WLS: variants seen among roughly 807,000 people sequenced by gnomAD.
WLS encodes the protein protein wntless homolog.
In WLS, 23 loss-of-function variants were observed where a neutral mutation model predicts 62.8. The ratio of observed to expected loss-of-function variants is 0.37; its 90% CI spans 0.26 to 0.52. WLS has a LOEUF of 0.52. Among genes scored for constraint, WLS ranks in the 20% least tolerant of loss-of-function variants. WLS has a pLI of 0.92. For missense variants in WLS, 615 were observed against 697.3 expected (o/e 0.88, Z 1.33); for synonymous variants, 246 against 244.1 (o/e 1.01, Z -0.07).
intron 11 of WLS, among the ~76,000 whole-genome samples, chr1:68,136,475 C>T (rs549672674): frequency 9.9e-5 from 15 of 152,222 alleles, no homozygotes; most frequent in Non-Finnish European, 1.5e-4. Flanking sequence ...AGAAAGGGTG[C>T]CAGGGCCAAA....
chr1:68,179,628 A>T (rs1446581100), intron 2 of WLS, among the ~76,000 whole-genome samples: 2 of 152,234 alleles, frequency 1.3e-5, no homozygotes, highest in Non-Finnish European at 2.9e-5. Context: ...GTGCTTTAGG[A>T]AAATCAAGGG....
At chr1:68,173,445 G>T (rs1240512235) in intron 2 of WLS, among the ~76,000 whole-genome samples, 1 of 151,978 alleles carries the variant, frequency 6.6e-6, no homozygotes, top group Non-Finnish European at 1.5e-5. Flanking sequence ...AATGCAATTA[G>T]AGAAGACAGC....
At chr1:68,120,694 C>CTCTG (rs1646353139), downstream of WLS, among the ~76,000 whole-genome samples, 1 of 150,598 alleles carries the variant, frequency 6.6e-6, no homozygotes, top group Non-Finnish European at 1.5e-5. Flanking sequence ...CTGTTAAGTT[C>CTCTG]TGTGTGTGTG....
Position 68,165,305 on chromosome 1 carries a change from C to T in WLS, c.380-6058G>A, listed in dbSNP as rs148542710. On this transcript the variant is annotated intron_variant, in intron 2 of 11. Transcript: ENST00000262348. ...CCCCACACTTTTAAAGGGTCCCACA[C>T]TTTTAAAGGGTCCCACTCTGTCAAC... Among the ~76,000 whole-genome samples, 1,184 of 152,206 alleles carry T rather than the reference C, an allele frequency of 7.8e-3. 20 individuals are homozygous for T. The highest frequency in any genetic ancestry group is 9.8e-3 in the Non-Finnish European group (666 of 68,006).
At chr1:68,142,668 G>A (rs1397943427) in intron 10 of WLS, 2 of 152,170 alleles carry the variant, frequency 1.3e-5, no homozygotes, top group African/African-American at 4.8e-5. Context: ...AGTGTTGTAG[G>A]TCAAAGCAGA....
At chr1:68,154,570 T>C (rs1055001606) in intron 4 of WLS, among the ~76,000 whole-genome samples, 2 of 152,200 alleles carry the variant, frequency 1.3e-5, no homozygotes, top group Non-Finnish European at 2.9e-5. Context: ...AGGAGATATA[T>C]CAAAACCTGA....
chr1:68,104,276 T>C (rs1646116251), intron 11 of WLS, among the ~76,000 whole-genome samples: 1 of 152,174 alleles, frequency 6.6e-6, no homozygotes, highest in African/African-American at 2.4e-5. Context: ...AAAATGGTTC[T>C]GAGAATCATC....
intron 1 of WLS, among the ~76,000 whole-genome samples, chr1:68,204,813 T>C (rs1188150348): frequency 2.0e-5 from 3 of 152,160 alleles, no homozygotes; most frequent in Admixed American, 1.3e-4. Flanking sequence ...TTGGTGCCAG[T>C]ATCACCTGGT....
Position 68,158,457 on chromosome 1 carries a change from G to T in WLS, c.504+666C>A, listed in dbSNP as rs147267540. ...ATGTCCCAGACAAGATGTTAAATTA[G>T]AAGGTCATCCTGCCTACGTCATTGT... On this transcript the variant is annotated intron_variant, in intron 3 of 11. Coordinates refer to ENST00000262348, the MANE Select transcript of WLS (RefSeq NM_024911.7). 2.1e-3 allele frequency among the ~76,000 whole-genome samples: 323 copies of T among 152,230 alleles called. 1 individual carries two copies. Among genetic ancestry groups the T allele is most frequent in the African/African-American group, 7.2e-3 (301 of 41,520 alleles).
intron 1 of WLS, among the ~76,000 whole-genome samples, chr1:68,208,271 A>C (rs777710156): frequency 2.0e-5 from 3 of 152,214 alleles, no homozygotes; most frequent in African/African-American, 4.8e-5. Context: ...AACTATTGAC[A>C]TGGGTATTTG....
intron 11 of WLS, among the ~76,000 whole-genome samples, chr1:68,133,263 C>T (rs765168161): frequency 5.3e-5 from 8 of 152,200 alleles, no homozygotes; most frequent in Non-Finnish European, 8.8e-5. Flanking sequence ...TGCACATTCA[C>T]TGCCGCTATG....
Position 68,194,074 on chromosome 1 carries a change from G to C in WLS, c.260C>G (p.Ala87Gly). The change falls in exon 2 of 12, where the codon GCC becomes GGC. Residue 87 changes from alanine (A) to glycine (G), a missense_variant. By Grantham distance (60) the Ala-to-Gly change is moderately conservative. Transcript: ENST00000262348. Reference sequence around the variant, plus strand: ...GTGAACAGAAAACACGATGTCATTGGCTTCAATTTCCCTTGGAATTGCCTC... The same window carrying C: ...GTGAACAGAAAACACGATGTCATTGCCTTCAATTTCCCTTGGAATTGCCTC... ...IEEAIPREIE[A>G]NDIVFSVHIP... 1 of 1,614,132 alleles carries C rather than the reference G, an allele frequency of 6.2e-7. No individual in the cohort carries two copies. The highest frequency in any genetic ancestry group is 2.2e-5 in the East Asian group (1 of 44,868).
intron 2 of WLS, among the ~76,000 whole-genome samples, chr1:68,187,189 CAAAAAAAAAA>C (rs34130992): frequency 1.7e-5 from 1 of 57,196 alleles, no homozygotes; most frequent in African/African-American, 7.5e-5. Context: ...ACTCCATCTC[CAAAAAAAAAA>C]AAAAAAAAAA....
At chr1:68,120,477 A>G (rs894977837), downstream of WLS, among the ~76,000 whole-genome samples, 15 of 152,178 alleles carry the variant, frequency 9.9e-5, no homozygotes, top group Non-Finnish European at 2.2e-4. Flanking sequence ...TTCTGCTGCA[A>G]ATATGCTACT....
At chr1:68,143,562 ATACT>A (rs1646714563) in intron 10 of WLS, among the ~76,000 whole-genome samples, 1 of 152,196 alleles carries the variant, frequency 6.6e-6, no homozygotes, top group Non-Finnish European at 1.5e-5. Context: ...AAATACACAA[ATACT>A]TACCATTGTG....
At position 68,176,491 on chromosome 1, in the gene WLS, C is replaced by G. The variant is rs944814547; in HGVS notation, c.380-17244G>C. The stretch of plus-strand genomic sequence containing the variant: ...ATAATTCAAAGGACAAGCTACGAGT[C>G]TCAAATCCTGAATTCCACATTTTAT... On this transcript the variant is annotated intron_variant, in intron 2 of 11. Coordinates refer to ENST00000262348, the MANE Select transcript of WLS (RefSeq NM_024911.7). The G allele has an allele frequency of 4.6e-5, 7 of 152,244 alleles. No homozygotes were observed. The South Asian group carries it at 6.2e-4, about 13-fold the overall frequency. The allele number at this position is 152,244 out of a possible 1,614,324, so 9.4% of individuals were successfully genotyped here.
At chr1:68,128,310 A>G (rs954983566) in intron 11 of WLS, among the ~76,000 whole-genome samples, 3 of 152,192 alleles carry the variant, frequency 2.0e-5, no homozygotes, top group African/African-American at 7.2e-5. Context: ...CACTGCTGCA[A>G]CATCTAGTCC....
chr1:68,222,493 C>A (rs555786551), intron 1 of WLS, among the ~76,000 whole-genome samples: 1 of 152,210 alleles, frequency 6.6e-6, no homozygotes, highest in South Asian at 2.1e-4. Flanking sequence ...CTATAAGAAG[C>A]ACCAGTTGGG....
intron 11 of WLS, among the ~76,000 whole-genome samples, chr1:68,137,371 A>G (rs1646625828): frequency 6.6e-6 from 1 of 152,182 alleles, no homozygotes; most frequent in African/African-American, 2.4e-5. Context: ...AGCCTATTCC[A>G]TCTTCAGCTC....
Sources: allele counts gnomAD v4.1 joint callset (sites outside exome capture counted in the v4.1 genomes callset), GRCh38; gene constraint gnomAD v4.1.1; transcripts MANE v1.5; gene names NCBI Gene and HGNC (gene_info 2026-07-23, HGNC 2026-07-21).